Variants in ATP13A4 observed in about 807,000 individuals in gnomAD.
The protein encoded by ATP13A4 is probable cation-transporting ATPase 13A4.
A neutral mutation model predicts 142.5 loss-of-function variants in ATP13A4; 114 were observed. The observed-to-expected ratio is 0.80, with a 90% CI of 0.69 to 0.93. ATP13A4 has a LOEUF of 0.93. Among genes scored for constraint, ATP13A4 ranks in the 40% least tolerant of loss-of-function variants. The pLI is 0.00. For missense variants in ATP13A4, 1,392 were observed against 1,454.0 expected, an observed-to-expected ratio of 0.96 and a Z score of 0.69; for synonymous variants, 488 against 514.8, an observed-to-expected ratio of 0.95 and a Z score of 0.70.
chr3:193,486,894 C>T (rs1022210803), intron 7 of ATP13A4, among the ~76,000 whole-genome samples: 2 of 152,012 alleles, frequency 1.3e-5, no homozygotes, highest in East Asian at 1.9e-4. Context: ...AATTATGCTA[C>T]CACTTACATA....
intron 1 of ATP13A4, among the ~76,000 whole-genome samples, chr3:193,546,226 T>C (rs1723214634): frequency 6.6e-6 from 1 of 152,122 alleles, no homozygotes; most frequent in African/African-American, 2.4e-5. Context: ...GACTCCTGAA[T>C]AGTATCAAGG....
At chr3:193,576,249 CTTTTTTTTTTT>C (rs59910562) in intron 2 of ATP13A4, among the ~76,000 whole-genome samples, 27 of 54,398 alleles carry the variant, frequency 5.0e-4, no homozygotes, top group East Asian at 4.3e-3. Flanking sequence ...TTGAATCAAT[CTTTTTTTTTTT>C]TTTTTTTTTT....
chr3:193,427,618 C>A (rs1160013436), intron 25 of ATP13A4, among the ~76,000 whole-genome samples: 1 of 152,096 alleles, frequency 6.6e-6, no homozygotes, highest in African/African-American at 2.4e-5. Context: ...CAGAACAGAA[C>A]CCTCAGAAAG....
At chr3:193,550,368 A>G (rs1267331800) in intron 1 of ATP13A4, among the ~76,000 whole-genome samples, 5 of 144,588 alleles carry the variant, frequency 3.5e-5, no homozygotes, top group African/African-American at 1.3e-4. Flanking sequence ...GTGCACTGAT[A>G]TGATCTCAGC....
intron 2 of ATP13A4, among the ~76,000 whole-genome samples, chr3:193,513,250 T>A (rs936944734): frequency 6.6e-6 from 1 of 152,240 alleles, no homozygotes; most frequent in African/African-American, 2.4e-5. Context: ...GCCTCACCTC[T>A]GTTAGATTTC....
At chr3:193,486,595 T>G (rs1719635592) in intron 7 of ATP13A4, among the ~76,000 whole-genome samples, 1 of 152,210 alleles carries the variant, frequency 6.6e-6, no homozygotes, top group Non-Finnish European at 1.5e-5. Context: ...AGTGCAGATT[T>G]GAGGAGAAGA....
intron 23 of ATP13A4, 48 bp from the exon 24 acceptor site, chr3:193,435,792 T>G (rs757094589): frequency 5.4e-6 from 8 of 1,473,248 alleles, no homozygotes; most frequent in Non-Finnish European, 7.6e-6. Flanking sequence ...TGAAAAGACA[T>G]AAGGTCAGTC....
intron 7 of ATP13A4, among the ~76,000 whole-genome samples, chr3:193,487,118 A>G (rs1719674933): frequency 6.6e-6 from 1 of 152,174 alleles, no homozygotes; most frequent in Non-Finnish European, 1.5e-5. Context: ...AACGGAAAAG[A>G]GCAACTGGAG....
intron 25 of ATP13A4, among the ~76,000 whole-genome samples, chr3:193,428,903 C>T (rs898234028): frequency 1.8e-4 from 28 of 152,050 alleles, no homozygotes; most frequent in Middle Eastern, 3.4e-3. Context: ...AACAAACCTT[C>T]ACGTTGTGCA....
intron 21 of ATP13A4, 83 bp from the exon 22 acceptor site, chr3:193,439,148 T>A: frequency 7.3e-7 from 1 of 1,365,752 alleles, no homozygotes; most frequent in Non-Finnish European, 1.0e-6. Context: ...GTAACCATCA[T>A]TACTTAGGGT....
intron 11 of ATP13A4, 60 bp from the exon 12 acceptor site, chr3:193,465,188 C>T (rs934124425): frequency 6.3e-5 from 97 of 1,545,686 alleles, no homozygotes; most frequent in Non-Finnish European, 8.4e-5. Context: ...GCATATGACT[C>T]TTTGCCTTTT....
At chr3:193,469,604 C>T (rs577078518) in intron 9 of ATP13A4, among the ~76,000 whole-genome samples, 2 of 152,090 alleles carry the variant, frequency 1.3e-5, no homozygotes, top group Non-Finnish European at 2.9e-5. Flanking sequence ...CTTCAACCTG[C>T]GTGACAGAGT....
rs911197844 is a variant in ATP13A4, at chr3:193,476,911, C to A, written c.809-5918G>T. ...ATCAAATATCACTGATCACAGATTG[C>A]CTTAACAGATATAATCACAACGAAA... On this transcript the variant is annotated intron_variant, in intron 8 of 29. Coordinates refer to ENST00000342695, the MANE Select transcript of ATP13A4 (RefSeq NM_032279.4). Among the ~76,000 whole-genome samples the A allele has an allele frequency of 2.0e-5, 3 of 151,952 alleles. 1 individual carries two copies. The highest frequency in any genetic ancestry group is 2.0e-4 in the Admixed American group (3 of 15,252).
At chr3:193,536,032 C>T (rs755977784) in intron 1 of ATP13A4, among the ~76,000 whole-genome samples, 10 of 151,442 alleles carry the variant, frequency 6.6e-5, no homozygotes, top group Admixed American at 2.0e-4. Context: ...TATACAGTTC[C>T]ACTGAAAAAA....
intron 1 of ATP13A4, among the ~76,000 whole-genome samples, chr3:193,537,131 A>T (rs1400733098): frequency 6.6e-6 from 1 of 152,128 alleles, no homozygotes; most frequent in South Asian, 2.1e-4. Context: ...TAAAAAATCA[A>T]TAAATTATAA....
chr3:193,468,022 A>G (rs576587020), intron 9 of ATP13A4, among the ~76,000 whole-genome samples: 7 of 152,274 alleles, frequency 4.6e-5, no homozygotes, highest in African/African-American at 1.7e-4. Flanking sequence ...TTGTAAAAAT[A>G]CAAAAAATCA....
Position 193,553,722 on chromosome 3 carries a change from G to C in ATP13A4, c.60+1018C>G, listed in dbSNP as rs531884468. ...ATTTTTTCAGCTTTGATAGCAGAAG[G>C]GATCTACTCTTGAAAGTCCAAAAAA... is the stretch of plus-strand genomic sequence containing the variant. On this transcript the variant is annotated intron_variant, in intron 1 of 29. Transcript: ENST00000342695. The C allele has an allele frequency of 2.0e-5, 3 of 152,262 alleles. No homozygotes were observed. The South Asian group carries it at 6.2e-4, about 32-fold the overall frequency. 9.4% of individuals were successfully genotyped at this position (152,262 alleles called of 1,614,324 possible).
chr3:193,519,363 C>A (rs951335388), intron 1 of ATP13A4, among the ~76,000 whole-genome samples: 2 of 152,156 alleles, frequency 1.3e-5, no homozygotes, highest in Admixed American at 6.5e-5. Context: ...CTACCACCTG[C>A]CTTCCTCTCC....
Position 193,456,993 on chromosome 3 carries a change from T to C in ATP13A4, c.1915+7A>G, listed in dbSNP as rs9879227. 153,329 of 1,609,894 alleles carry C rather than the reference T, an allele frequency of 0.095. 11,130 individuals carry two copies. Among genetic ancestry groups the C allele is most frequent in the African/African-American group, 0.39 (28,848 of 74,890 alleles). ...TTGCCAGGTGTAATCCAAGTCAAGT[T>C]ACAGACCTGTCTCAGGTTGGCAAAA... On this transcript the variant is annotated splice_region_variant and intron_variant, in intron 16 of 29. Coordinates refer to ENST00000342695, the MANE Select transcript of ATP13A4 (RefSeq NM_032279.4).
Sources: allele counts gnomAD v4.1 joint callset (sites outside exome capture counted in the v4.1 genomes callset), GRCh38; gene constraint gnomAD v4.1.1; transcripts MANE v1.5; gene names NCBI Gene and HGNC (gene_info 2026-07-23, HGNC 2026-07-21).